Variants in SORCS3 observed in about 807,000 individuals in gnomAD.
SORCS3 encodes the protein VPS10 domain-containing receptor SorCS3.
Under a neutral mutation model 146.3 loss-of-function variants are expected in SORCS3, and 57 were observed. The observed-to-expected ratio is 0.39, with a 90% CI of 0.31 to 0.49. The LOEUF is 0.49. Among genes scored for constraint, SORCS3 ranks in the 20% least tolerant of loss-of-function variants. The pLI is 0.92. For synonymous variants in SORCS3, 653 were observed against 618.5 expected (o/e 1.06, Z -0.83); for missense variants, 1,341 against 1,575.5 (o/e 0.85, Z 2.52).
intron 17 of SORCS3, among the ~76,000 whole-genome samples, chr10:105,212,705 A>G (rs1478451559): frequency 2.6e-5 from 4 of 152,210 alleles, no homozygotes; most frequent in African/African-American, 9.6e-5. Context: ...ATGTTGGCTT[A>G]TGTTTACAAA....
chr10:105,074,853 G>A (rs960414593), intron 5 of SORCS3, among the ~76,000 whole-genome samples: 8 of 152,132 alleles, frequency 5.3e-5, no homozygotes, highest in African/African-American at 9.7e-5. Flanking sequence ...TAGCAGTCCC[G>A]AGGCAAAGAC....
intron 6 of SORCS3, 38 bp from the exon 7 acceptor site, chr10:105,105,359 C>A: frequency 7.1e-7 from 1 of 1,411,368 alleles, no homozygotes; most frequent in Non-Finnish European, 1.0e-6. Context: ...TCATGATTTT[C>A]ACTTGTATCT....
chr10:105,230,155 T>C (rs1234416827), intron 20 of SORCS3, among the ~76,000 whole-genome samples: 2 of 152,052 alleles, frequency 1.3e-5, no homozygotes, highest in Non-Finnish European at 2.9e-5. Flanking sequence ...TGTGGTAGAC[T>C]AGGCAGTGTG....
At chr10:104,733,878 C>T (rs1311362979) in intron 1 of SORCS3, among the ~76,000 whole-genome samples, 1 of 152,142 alleles carries the variant, frequency 6.6e-6, no homozygotes, top group Non-Finnish European at 1.5e-5. Context: ...TCAGCATCCC[C>T]TCGGAACGAA....
At chr10:105,220,345 A>T (rs1269212529) in intron 19 of SORCS3, among the ~76,000 whole-genome samples, 4 of 152,172 alleles carry the variant, frequency 2.6e-5, no homozygotes, top group African/African-American at 7.2e-5. Context: ...TGAACGCCAC[A>T]TCCTTTTTGT....
intron 1 of SORCS3, among the ~76,000 whole-genome samples, chr10:104,805,986 G>GCATTATGA (rs1369267661): frequency 6.6e-6 from 1 of 152,114 alleles, no homozygotes; most frequent in Non-Finnish European, 1.5e-5. Flanking sequence ...ATCCTGGTCT[G>GCATTATGA]CATTATGAGG....
intron 1 of SORCS3, among the ~76,000 whole-genome samples, chr10:104,781,827 A>G (rs956308924): frequency 6.6e-6 from 1 of 152,218 alleles, no homozygotes; most frequent in Non-Finnish European, 1.5e-5. Flanking sequence ...GCCTTTTGGT[A>G]TCAGGGTGAG....
intron 4 of SORCS3, among the ~76,000 whole-genome samples, chr10:105,010,142 T>C (rs1489439187): frequency 6.6e-6 from 1 of 152,188 alleles, no homozygotes; most frequent in Non-Finnish European, 1.5e-5. Context: ...ACCTTGACTA[T>C]CTCACTATGC....
At chr10:104,929,507 A>G (rs1466463762) in intron 3 of SORCS3, among the ~76,000 whole-genome samples, 1 of 152,188 alleles carries the variant, frequency 6.6e-6, no homozygotes, top group Non-Finnish European at 1.5e-5. Context: ...TTATTTACCC[A>G]TCTGCCTGTG....
intron 4 of SORCS3, among the ~76,000 whole-genome samples, chr10:105,031,933 C>T (rs2055270238): frequency 6.6e-6 from 1 of 152,140 alleles, no homozygotes; most frequent in African/African-American, 2.4e-5. Context: ...TGGCTCATAC[C>T]TGTAATCCCA....
intron 1 of SORCS3, among the ~76,000 whole-genome samples, chr10:104,663,173 G>A (rs1337724479): frequency 6.6e-6 from 1 of 152,172 alleles, no homozygotes; most frequent in Non-Finnish European, 1.5e-5. Flanking sequence ...ACAGCAGCCA[G>A]TGGGGTTCTG....
At chr10:105,168,791 A>G (rs908246835) in intron 13 of SORCS3, among the ~76,000 whole-genome samples, 5 of 152,146 alleles carry the variant, frequency 3.3e-5, no homozygotes, top group African/African-American at 1.2e-4. Flanking sequence ...AGTTTCTTAA[A>G]GCTTAACCTA....
intron 4 of SORCS3, among the ~76,000 whole-genome samples, chr10:105,039,549 C>G (rs1387106959): frequency 2.7e-5 from 4 of 150,674 alleles, no homozygotes; most frequent in African/African-American, 9.8e-5. Flanking sequence ...CTCCGCCTCC[C>G]AGGTTCAAGC....
chr10:104,997,293 A>G (rs1276150732), intron 4 of SORCS3, among the ~76,000 whole-genome samples: 1 of 152,144 alleles, frequency 6.6e-6, no homozygotes, highest in Non-Finnish European at 1.5e-5. Flanking sequence ...TCAGTAGGTA[A>G]TTTCTTTCGT....
At chr10:104,656,561 G>C (rs982126096) in intron 1 of SORCS3, among the ~76,000 whole-genome samples, 6 of 152,114 alleles carry the variant, frequency 3.9e-5, no homozygotes, top group Non-Finnish European at 8.8e-5. Context: ...AGGTGGCTGA[G>C]GCTGAGGTGG....
intron 1 of SORCS3, among the ~76,000 whole-genome samples, chr10:104,696,063 ATATATAATATATATCATATACACAT>A (rs2016176958): frequency 1.0e-5 from 1 of 98,092 alleles, no homozygotes; most frequent in East Asian, 2.8e-4. Flanking sequence ...TACACATATT[ATATATAATATATATCATATACACAT>A]ATATAATATA....
At chr10:104,674,545 T>C (rs2015892296) in intron 1 of SORCS3, among the ~76,000 whole-genome samples, 1 of 152,224 alleles carries the variant, frequency 6.6e-6, no homozygotes, top group Non-Finnish European at 1.5e-5. Flanking sequence ...GAAGCAAATC[T>C]TCCCTCAGTT....
chr10:104,998,751 C>T (rs915619822), intron 4 of SORCS3, among the ~76,000 whole-genome samples: 11 of 152,090 alleles, frequency 7.2e-5, no homozygotes, highest in African/African-American at 2.4e-4. Context: ...GCTAATGGGA[C>T]CGTACATCAC....
chr10:105,262,563 C>T lies in SORCS3; in HGVS notation c.3604+72C>T, dbSNP rs3802674. The T allele has an allele frequency of 5.2e-5, 77 of 1,487,718 alleles. 1 individual carries two copies. The East Asian group carries it at 1.8e-3, about 34-fold the overall frequency. The allele number at this position is 1,487,718 out of a possible 1,614,324, so 92.2% of individuals were successfully genotyped here. A position where few individuals can be genotyped will look rare whatever the true frequency, so the allele number is the denominator to read the frequency against. On this transcript the variant is annotated intron_variant, in intron 26 of 26. Coordinates refer to ENST00000369701, the MANE Select transcript of SORCS3 (RefSeq NM_014978.3). ...ACACTGGCCTGCTTCATCTGTCCCC[C>T]ATACATTACTGGACTGGAGGGTGGG...
Sources: allele counts gnomAD v4.1 joint callset (sites outside exome capture counted in the v4.1 genomes callset), GRCh38; gene constraint gnomAD v4.1.1; transcripts MANE v1.5; gene names NCBI Gene and HGNC (gene_info 2026-07-23, HGNC 2026-07-21).